Variants in POTEJ observed in about 807,000 individuals in gnomAD.
The protein encoded by POTEJ is POTE ankyrin domain family, member J.
A neutral mutation model predicts 69.0 loss-of-function variants in POTEJ; 11 were observed. That is an observed-to-expected ratio of 0.16 (90% CI 0.10 to 0.26). The LOEUF is 0.26. Among genes scored for constraint, POTEJ ranks in the 10% least tolerant of loss-of-function variants. The pLI, the probability that POTEJ is intolerant of heterozygous loss-of-function variation, is 1.00. For synonymous variants in POTEJ, 117 were observed against 381.1 expected (o/e 0.31, Z 8.07); for missense variants, 327 against 1,045.5 (o/e 0.31, Z 9.48).
At chr2:130,626,759 G>T (rs1234763037) in intron 6 of POTEJ, among the ~76,000 whole-genome samples, 1 of 152,144 alleles carries the variant, frequency 6.6e-6, no homozygotes, top group Non-Finnish European at 1.5e-5. Context: ...GTATTACAAG[G>T]TTTTCACCCG....
Position 130,624,079 on chromosome 2 carries a change from T to C in POTEJ, c.960T>C (p.Leu320=). The change falls in exon 6 of 15, where the codon CTT becomes CTC. Residue 320 remains leucine (L), a synonymous_variant. Coordinates refer to ENST00000409602, the MANE Select transcript of POTEJ (RefSeq NM_001277083.2). ...TTATACATAGAATTTGCCAGTTACT[T>C]TCTGACTACAAAGAAAAACAGATGC... ...SSHHHVICQL[L]SDYKEKQMLK... is the part of the protein sequence containing the mutation. The C allele has an allele frequency of 7.4e-7, 1 of 1,350,532 alleles. No homozygotes were observed. Among genetic ancestry groups the C allele is most frequent in the Non-Finnish European group, 1.0e-6 (1 of 998,218 alleles). 83.7% of individuals were successfully genotyped at this position (1,350,532 alleles called of 1,614,324 possible).
At chr2:130,611,122 C>CGGCTT (rs1388483809), upstream of POTEJ, among the ~76,000 whole-genome samples, 24 of 149,808 alleles carry the variant, frequency 1.6e-4, no homozygotes, top group Admixed American at 4.0e-4. Flanking sequence ...TGGCCTGTAG[C>CGGCTT]GGCTTGGCTT....
chr2:130,623,102 C>T lies in POTEJ; in HGVS notation c.945-962C>T, dbSNP rs1389661523. Among the ~76,000 whole-genome samples the T allele has an allele frequency of 4.4e-5, 6 of 137,690 alleles. No homozygotes were observed. The East Asian group carries it at 1.2e-3, about 27-fold the overall frequency. 90.3% of individuals were successfully genotyped at this position (137,690 alleles called of 152,430 possible). On this transcript the variant is annotated intron_variant, in intron 5 of 14. Coordinates refer to ENST00000409602, the MANE Select transcript of POTEJ (RefSeq NM_001277083.2). Reference sequence around the variant, plus strand: ...TATGAGATGACTTAGACCTGAATAACATGTTCGGTGCAAAATATATTGTTA... The same window carrying T: ...TATGAGATGACTTAGACCTGAATAATATGTTCGGTGCAAAATATATTGTTA...
At chr2:130,624,830 A>G (rs1685644815) in intron 6 of POTEJ, among the ~76,000 whole-genome samples, 1 of 152,118 alleles carries the variant, frequency 6.6e-6, no homozygotes, top group Admixed American at 6.5e-5. Context: ...CCTCATTTGA[A>G]GTTGGAAAGA....
At chr2:130,638,955 G>T (rs1307825992) in intron 10 of POTEJ, among the ~76,000 whole-genome samples, 35 of 152,150 alleles carry the variant, frequency 2.3e-4, no homozygotes, top group Non-Finnish European at 4.6e-4. Context: ...TCCCTTCTGG[G>T]GGCAAAGTGA....
chr2:130,622,543 G>A (rs1685576303), intron 5 of POTEJ, among the ~76,000 whole-genome samples: 1 of 133,584 alleles, frequency 7.5e-6, no homozygotes, highest in Non-Finnish European at 1.6e-5. Context: ...GATCTGTACT[G>A]TGAGGCACCT....
At chr2:130,640,652 CT>C (rs1686322385) in intron 10 of POTEJ, among the ~76,000 whole-genome samples, 1 of 151,678 alleles carries the variant, frequency 6.6e-6, no homozygotes, top group South Asian at 2.1e-4. Context: ...TCACGTGTGT[CT>C]TTTAAACAGG....
At chr2:130,627,261 G>A (rs1685745154) in intron 6 of POTEJ, among the ~76,000 whole-genome samples, 1 of 151,266 alleles carries the variant, frequency 6.6e-6, no homozygotes, top group Non-Finnish European at 1.5e-5. Flanking sequence ...CATCCTACTA[G>A]TTTGACTCTC....
chr2:130,624,634 G>A (rs1200438673), intron 6 of POTEJ, among the ~76,000 whole-genome samples: 1 of 151,990 alleles, frequency 6.6e-6, no homozygotes, highest in Admixed American at 6.6e-5. Context: ...GTGTGGTGTG[G>A]TTCATAATAG....
intron 10 of POTEJ, among the ~76,000 whole-genome samples, chr2:130,640,519 C>T (rs1487791470): frequency 1.3e-5 from 2 of 151,898 alleles, no homozygotes; most frequent in African/African-American, 2.4e-5. Flanking sequence ...AGGATCCCAC[C>T]TGTCCCTCTT....
At chr2:130,649,359 T>G (rs1208775989) in intron 13 of POTEJ, among the ~76,000 whole-genome samples, 18 of 152,264 alleles carry the variant, frequency 1.2e-4, no homozygotes, top group Non-Finnish European at 2.2e-4. Flanking sequence ...CATTCTTGAC[T>G]GATCTTTCTC....
chr2:130,637,171 A>C (rs376817547), intron 9 of POTEJ, among the ~76,000 whole-genome samples: 1 of 150,732 alleles, frequency 6.6e-6, no homozygotes, highest in Non-Finnish European at 1.5e-5. Flanking sequence ...GCTCTTTATA[A>C]TAAGCTACAT....
intron 3 of POTEJ, among the ~76,000 whole-genome samples, chr2:130,619,615 T>C (rs1360053835): frequency 7.2e-6 from 1 of 138,810 alleles, no homozygotes. Context: ...GAACTTTTGG[T>C]AAAACATGAA....
rs1332376038 is a variant in POTEJ, at chr2:130,625,897, G to A, written c.1015+1763G>A. On this transcript the variant is annotated intron_variant, in intron 6 of 14. Coordinates refer to ENST00000409602, the MANE Select transcript of POTEJ (RefSeq NM_001277083.2). Reference sequence around the variant, plus strand: ...ATGCTTTGGACTGCAAATACTAGATGAACAGTGGCTAAAACAGTAAGAACC... The same window carrying A: ...ATGCTTTGGACTGCAAATACTAGATAAACAGTGGCTAAAACAGTAAGAACC... Among the ~76,000 whole-genome samples, 40 of 134,608 alleles carry A rather than the reference G, an allele frequency of 3.0e-4. 4 individuals carry two copies. Among genetic ancestry groups the A allele is most frequent in the African/African-American group, 1.1e-3 (35 of 31,442 alleles). 88.3% of individuals were successfully genotyped at this position (134,608 alleles called of 152,430 possible). A position where few individuals can be genotyped will look rare whatever the true frequency, so the allele number is the denominator to read the frequency against.
At chr2:130,651,973 T>TA (rs1196500278) in intron 13 of POTEJ, among the ~76,000 whole-genome samples, 5 of 101,952 alleles carry the variant, frequency 4.9e-5, no homozygotes, top group African/African-American at 4.8e-4. Context: ...AAAATAAGGA[T>TA]ACCCCCCCCC....
At chr2:130,633,628 C>A (rs1485915265) in intron 9 of POTEJ, among the ~76,000 whole-genome samples, 7 of 145,868 alleles carry the variant, frequency 4.8e-5, no homozygotes, top group Admixed American at 2.8e-4. Flanking sequence ...TCCTGTGTTG[C>A]AAATGGAAGC....
At chr2:130,617,862 A>G (rs1417955380) in intron 3 of POTEJ, among the ~76,000 whole-genome samples, 2 of 152,312 alleles carry the variant, frequency 1.3e-5, no homozygotes, top group African/African-American at 4.8e-5. Flanking sequence ...GTATGGTGAG[A>G]CAAGGTTCTC....
intron 13 of POTEJ, among the ~76,000 whole-genome samples, chr2:130,651,936 T>C (rs1329284024): frequency 8.6e-5 from 12 of 140,150 alleles, no homozygotes; most frequent in African/African-American, 3.2e-4. Flanking sequence ...TATTTTGAAT[T>C]ATAAATAATG....
intron 13 of POTEJ, among the ~76,000 whole-genome samples, chr2:130,650,229 C>A (rs1431602392): frequency 6.6e-6 from 1 of 152,272 alleles, no homozygotes; most frequent in African/African-American, 2.4e-5. Context: ...CTTTGATGTA[C>A]AAATAAAAGT....
Sources: gnomAD v4.1 joint callset for allele counts (sites outside exome capture counted in the v4.1 genomes callset) on GRCh38, gnomAD v4.1.1 for gene constraint, MANE v1.5 for transcripts, NCBI Gene and HGNC (gene_info 2026-07-23, HGNC 2026-07-21) for gene names.